SNX29: variants seen among roughly 807,000 people sequenced by gnomAD.
The protein encoded by SNX29 is sorting nexin 29.
In SNX29, 78 loss-of-function variants were observed where a neutral mutation model predicts 102.1. The ratio of observed to expected loss-of-function variants is 0.76; its 90% confidence interval spans 0.64 to 0.92. The LOEUF (loss-of-function observed/expected upper bound fraction) is 0.92. Among genes scored for constraint, SNX29 ranks in the 40% least tolerant of loss-of-function variants. SNX29 has a pLI of 0.00. For missense variants in SNX29, 1,280 were observed against 1,061.7 expected (o/e 1.21, Z -2.86); for synonymous variants, 580 against 414.5 (o/e 1.40, Z -4.85).
At chr16:12,002,029 T>TA (rs35827495) in intron 2 of SNX29, among the ~76,000 whole-genome samples, 2 of 151,234 alleles carry the variant, frequency 1.3e-5, no homozygotes, top group East Asian at 3.9e-4. Context: ...TTTTTTTTTT[T>TA]AAAGAAAATT....
chr16:12,375,881 A>C (rs2082854545), intron 16 of SNX29: 1 of 151,964 alleles, frequency 6.6e-6, no homozygotes, highest in Admixed American at 6.5e-5. Flanking sequence ...AAAACACAAA[A>C]ATTAGCCAGG....
rs919227099 is a variant in SNX29 at position 12,561,272 on chromosome 16, T to C, written c.2319-7234T>C. The C allele has an allele frequency of 2.2e-5, 5 of 230,086 alleles. No homozygotes were observed. The Admixed American group carries it at 2.8e-4, about 13-fold the overall frequency. The allele number at this position is 230,086 out of a possible 1,614,324, so 14.3% of individuals were successfully genotyped here. A position where few individuals can be genotyped will look rare whatever the true frequency, so the allele number is the denominator to read the frequency against. On this transcript the variant is annotated intron_variant, in intron 20 of 20. Coordinates refer to ENST00000566228, the MANE Select transcript of SNX29 (RefSeq NM_032167.5). ...CTCCCACTCCACAGATCCAAGGGGCTAAGACACAGGGAGAACATTCTCCAT... is the reference window on the plus strand; with the variant it reads ...CTCCCACTCCACAGATCCAAGGGGCCAAGACACAGGGAGAACATTCTCCAT...
chr16:12,088,391 T>A (rs1374419627), intron 11 of SNX29, among the ~76,000 whole-genome samples: 1 of 152,154 alleles, frequency 6.6e-6, no homozygotes, highest in Non-Finnish European at 1.5e-5. Context: ...TGACTTGTGC[T>A]GTTTGACAGA....
intron 16 of SNX29, among the ~76,000 whole-genome samples, chr16:12,377,276 A>T (rs574532483): frequency 6.6e-6 from 1 of 152,226 alleles, no homozygotes; most frequent in Non-Finnish European, 1.5e-5. Flanking sequence ...AACAGAAAAC[A>T]CATAGATTTC....
At chr16:12,548,348 G>A (rs1010698721) in intron 20 of SNX29, among the ~76,000 whole-genome samples, 2 of 152,170 alleles carry the variant, frequency 1.3e-5, no homozygotes, top group East Asian at 1.9e-4. Flanking sequence ...GAATGACAGT[G>A]GGCACTCTGC....
intron 20 of SNX29, chr16:12,527,080 G>A (rs910240227): frequency 2.5e-5 from 11 of 439,706 alleles, no homozygotes; most frequent in Middle Eastern, 5.5e-4. Flanking sequence ...GACCCCAGTT[G>A]AAATTAAACA....
At chr16:12,265,575 C>T (rs946504556) in intron 14 of SNX29, among the ~76,000 whole-genome samples, 3 of 151,804 alleles carry the variant, frequency 2.0e-5, no homozygotes, top group Non-Finnish European at 2.9e-5. Context: ...AAAATTCTCA[C>T]GTCGGCCAGG....
intron 14 of SNX29, among the ~76,000 whole-genome samples, chr16:12,272,963 A>G (rs7194718): frequency 0.66 from 99,971 of 152,166 alleles, 34,296 homozygotes; most frequent in African/African-American, 0.85. Context: ...TGGCACAGTC[A>G]TATCATCATT....
chr16:12,553,055 G>C (rs759642050), intron 20 of SNX29, among the ~76,000 whole-genome samples: 5 of 152,246 alleles, frequency 3.3e-5, no homozygotes, highest in Admixed American at 2.0e-4. Flanking sequence ...ATTGGAGATG[G>C]TAACTGCAAA....
intron 13 of SNX29, among the ~76,000 whole-genome samples, chr16:12,173,145 C>A (rs1410845805): frequency 2.6e-5 from 4 of 152,180 alleles, no homozygotes; most frequent in Admixed American, 1.3e-4. Flanking sequence ...GAACCGACAA[C>A]CTCTGATTGG....
At chr16:12,217,062 T>C (rs1214952164) in intron 14 of SNX29, among the ~76,000 whole-genome samples, 1 of 152,202 alleles carries the variant, frequency 6.6e-6, no homozygotes, top group Non-Finnish European at 1.5e-5. Context: ...AGGGTGTCCC[T>C]TCATTGCCCA....
At chr16:12,205,656 A>G (rs989536068) in intron 14 of SNX29, among the ~76,000 whole-genome samples, 1 of 152,116 alleles carries the variant, frequency 6.6e-6, no homozygotes, top group African/African-American at 2.4e-5. Context: ...CTCCATTCAG[A>G]TACCACCTCC....
chr16:12,001,176 G>A (rs1263782916), intron 2 of SNX29, among the ~76,000 whole-genome samples: 21 of 150,046 alleles, frequency 1.4e-4, no homozygotes, highest in Non-Finnish European at 1.5e-5. Context: ...CAGTGGTGCA[G>A]TCTCAGCTCA....
chr16:12,325,022 C>T (rs1281800856), intron 15 of SNX29, among the ~76,000 whole-genome samples: 1 of 152,148 alleles, frequency 6.6e-6, no homozygotes. Flanking sequence ...TATATTACAG[C>T]AATCTTGTAG....
intron 17 of SNX29, among the ~76,000 whole-genome samples, chr16:12,403,208 G>C (rs867083405): frequency 1.3e-5 from 1 of 74,798 alleles, no homozygotes; most frequent in African/African-American, 5.1e-5. Flanking sequence ...GTGTATGTGT[G>C]TGTGTGTGTG....
chr16:12,561,620 C>A (rs572982674), intron 20 of SNX29, among the ~76,000 whole-genome samples: 1 of 152,054 alleles, frequency 6.6e-6, no homozygotes, highest in Non-Finnish European at 1.5e-5. Context: ...GCAGTGTACC[C>A]CAAGAGGCTT....
intron 8 of SNX29, among the ~76,000 whole-genome samples, chr16:12,055,624 G>A (rs963416726): frequency 6.6e-6 from 1 of 152,172 alleles, no homozygotes; most frequent in African/African-American, 2.4e-5. Flanking sequence ...GAGACCCAGG[G>A]AAGAGTTGCA....
At chr16:12,019,284 G>C (rs937767056) in intron 3 of SNX29, among the ~76,000 whole-genome samples, 1 of 151,108 alleles carries the variant, frequency 6.6e-6, no homozygotes, top group African/African-American at 2.4e-5. Context: ...CTCGGCTCAC[G>C]GCAAGCTCCG....
intron 14 of SNX29, among the ~76,000 whole-genome samples, chr16:12,273,342 GTTTT>G (rs59985462): frequency 2.1e-5 from 3 of 145,048 alleles, no homozygotes; most frequent in Admixed American, 6.8e-5. Flanking sequence ...TTTGTTTTTT[GTTTT>G]TTTTTTTTTG....
Sources: gnomAD v4.1 joint callset for allele counts (sites outside exome capture counted in the v4.1 genomes callset) on GRCh38, gnomAD v4.1.1 for gene constraint, MANE v1.5 for transcripts, NCBI Gene and HGNC (gene_info 2026-07-23, HGNC 2026-07-21) for gene names.